PFKFB2: variants seen among roughly 807,000 people sequenced by gnomAD.
PFKFB2 encodes 6-phosphofructo-2-kinase/fructose-2,6-bisphosphatase 2.
A neutral mutation model predicts 68.0 loss-of-function variants in PFKFB2; 53 were observed. The observed-to-expected ratio is 0.78, with a 90% CI of 0.63 to 0.98. The LOEUF (loss-of-function observed/expected upper bound fraction) is 0.98. Among genes scored for constraint, PFKFB2 ranks in the 50% least tolerant of loss-of-function variants. The probability of loss-of-function intolerance (pLI) is 0.00; values close to 1 mark genes in which losing one functional copy is unlikely to be tolerated. For synonymous variants in PFKFB2, 222 were observed against 227.6 expected (o/e 0.98, Z 0.22); for missense variants, 451 against 642.0 (o/e 0.70, Z 3.22).
chr1:207,059,469 C>A (rs1683022633), intron 2 of PFKFB2, among the ~76,000 whole-genome samples: 1 of 152,158 alleles, frequency 6.6e-6, no homozygotes, highest in East Asian at 1.9e-4. Flanking sequence ...CAGAGGCTAT[C>A]TGCTTGTTAG....
chr1:207,066,808 C>G (rs1683300609), intron 8 of PFKFB2, among the ~76,000 whole-genome samples: 2 of 152,086 alleles, frequency 1.3e-5, no homozygotes, highest in Non-Finnish European at 2.9e-5. Flanking sequence ...CACCCGCCAC[C>G]ACGCCCGGCT....
intron 9 of PFKFB2, 71 bp from the exon 10 acceptor site, chr1:207,068,092 T>TG: frequency 1.3e-6 from 1 of 781,544 alleles, no homozygotes; most frequent in Non-Finnish European, 1.9e-6. Context: ...TATGTGTGTG[T>TG]TGAGTGTGTG....
At chr1:207,043,368 A>G (rs150195628) in intron 2 of PFKFB2, among the ~76,000 whole-genome samples, 5 of 152,328 alleles carry the variant, frequency 3.3e-5, no homozygotes, top group African/African-American at 1.2e-4. Flanking sequence ...AAAGCTTTCA[A>G]TGAGAAAGAA....
chr1:207,080,729 T>C (rs1198764785), downstream of PFKFB2: 2 of 152,140 alleles, frequency 1.3e-5, no homozygotes, highest in Non-Finnish European at 2.9e-5. Flanking sequence ...TGTTTGGGGT[T>C]TTTTTTGTAG....
chr1:207,078,359 C>T (rs146715119), downstream of PFKFB2, among the ~76,000 whole-genome samples: 23 of 152,278 alleles, frequency 1.5e-4, no homozygotes, highest in East Asian at 4.4e-3. Context: ...ATCCCAGGCC[C>T]CATCCCAGAC....
Position 207,074,223 on chromosome 1 carries a change from G to A in PFKFB2, c.*1852G>A. ...CTGGATAGTAGTTTCTCAGACAAAA[G>A]TGTCAGCCTAGGAATTCTGAATTCC... On this transcript the variant is annotated 3_prime_UTR_variant, in exon 15 of 15. Transcript: ENST00000367080. 1.0e-6 allele frequency: 1 copy of A among 985,382 alleles called. No individual in the cohort carries two copies. Among genetic ancestry groups the A allele is most frequent in the Non-Finnish European group, 1.2e-6 (1 of 829,886 alleles). 61.0% of individuals were successfully genotyped at this position (985,382 alleles called of 1,614,324 possible).
chr1:207,072,285 C>T lies in PFKFB2; in HGVS notation c.1432C>T (p.Arg478Cys), dbSNP rs755606905. 8 of 1,614,210 alleles carry T rather than the reference C, an allele frequency of 5.0e-6. No homozygotes were observed. The highest frequency in any genetic ancestry group is 1.6e-4 in the Middle Eastern group (1 of 6,062). Residue 478 changes from arginine to cysteine, a missense_variant, in exon 15 of 15, where the codon CGT (arginine) becomes TGT (cysteine). Arg to Cys is a radical substitution (Grantham distance 180). Coordinates refer to ENST00000367080, the MANE Select transcript of PFKFB2 (RefSeq NM_006212.2). Reference protein sequence around the residue: ...TPLSSSNTIRRPRNYSVGSRP... With the variant: ...TPLSSSNTIRCPRNYSVGSRP... ...TCTGTCCAGTTCGAATACAATAAGGCGTCCAAGAAATTACAGTGTTGGGAG... is the reference window on the plus strand; with the variant it reads ...TCTGTCCAGTTCGAATACAATAAGGTGTCCAAGAAATTACAGTGTTGGGAG...
chr1:207,067,450 T>C (rs767485435), intron 8 of PFKFB2, 49 bp from the exon 9 acceptor site: 5 of 1,318,182 alleles, frequency 3.8e-6, no homozygotes, highest in Non-Finnish European at 5.4e-6. Context: ...TGATTCTTAT[T>C]CTCAGATCTT....
In PFKFB2 at chr1:207,076,452, C is replaced by G. The variant is rs1683625623; in HGVS notation, c.*4081C>G. 1 of 984,988 alleles carries G rather than the reference C, an allele frequency of 1.0e-6. No homozygotes were observed. The highest frequency in any genetic ancestry group is 1.2e-6 in the Non-Finnish European group (1 of 829,796). The allele number at this position is 984,988 out of a possible 1,614,324, so 61.0% of individuals were successfully genotyped here. ...TTGTTAAGAAATTTGATAGATTTAC[C>G]CAGCTTTTCTATGTATTTTGACTTA... is the stretch of plus-strand genomic sequence containing the variant. On this transcript the variant is annotated 3_prime_UTR_variant, in exon 15 of 15. Transcript: ENST00000367080.
chr1:207,054,171 G>A lies in PFKFB2; in HGVS notation c.-17-530G>A, dbSNP rs115609680. Among the ~76,000 whole-genome samples, 328 of 152,072 alleles carry A rather than the reference G, an allele frequency of 2.2e-3. 1 individual carries two copies. The highest frequency in any genetic ancestry group is 0.01 in the Middle Eastern group (3 of 294). Reference sequence around the variant, plus strand: ...CCCGCCTCAGCCTCCCCAAGTGTTGGAATTCCAGGAGTGAGCCACCGTGCC... The same window carrying A: ...CCCGCCTCAGCCTCCCCAAGTGTTGAAATTCCAGGAGTGAGCCACCGTGCC... On this transcript the variant is annotated intron_variant, in intron 1 of 14. Coordinates refer to ENST00000367080, the MANE Select transcript of PFKFB2 (RefSeq NM_006212.2).
At chr1:207,045,477 T>C (rs1055584832) in intron 2 of PFKFB2, 2 of 152,370 alleles carry the variant, frequency 1.3e-5, no homozygotes, top group Admixed American at 6.6e-5. Flanking sequence ...ATTAGATCCC[T>C]AGAGGGCCAA....
At chr1:207,069,719 G>T (rs1239980288) in intron 11 of PFKFB2, among the ~76,000 whole-genome samples, 191 bp downstream of exon 11, 1 of 152,098 alleles carries the variant, frequency 6.6e-6, no homozygotes, top group African/African-American at 2.4e-5. Flanking sequence ...CAGGGATAAG[G>T]GTGACAAGGC....
In PFKFB2 at chr1:207,062,704, T is replaced by C; in HGVS notation, c.296T>C (p.Met99Thr). ...DFFRHDNEEA[M>T]KIRKQCALVA... The stretch of plus-strand genomic sequence containing the variant: ...TTTCGGCATGACAATGAGGAGGCCA[T>C]GAAGATCCGCAAGTGAGTCTTGTTT... Residue 99 changes from methionine (M) to threonine (T), a missense_variant, in exon 4 of 15, where the codon ATG becomes ACG. Physicochemically the swap from Met to Thr is moderately conservative, Grantham distance 81. Transcript: ENST00000367080. 2 of 1,614,032 alleles carry C rather than the reference T, an allele frequency of 1.2e-6. No individual in the cohort carries two copies. The highest frequency in any genetic ancestry group is 1.7e-6 in the Non-Finnish European group (2 of 1,179,946).
intron 8 of PFKFB2, among the ~76,000 whole-genome samples, chr1:207,066,081 A>C (rs576246206): frequency 2.6e-5 from 4 of 152,292 alleles, no homozygotes; most frequent in South Asian, 2.1e-4. Context: ...ATCTCTCTCT[A>C]TATATAACAT....
At chr1:207,052,099 C>G, upstream of PFKFB2, 1 of 1,146,026 alleles carries the variant, frequency 8.7e-7, no homozygotes. Flanking sequence ...ACAGCAAGTC[C>G]CACTTGCCAA....
At chr1:207,064,971 T>C in intron 7 of PFKFB2, 65 bp from the exon 8 acceptor site, 1 of 1,538,848 alleles carries the variant, frequency 6.5e-7, no homozygotes. Flanking sequence ...TAGCAGTGGC[T>C]ATTTGTAGGA....
chr1:207,043,013 C>A (rs1171409329), intron 2 of PFKFB2, among the ~76,000 whole-genome samples: 1 of 151,968 alleles, frequency 6.6e-6, no homozygotes, highest in East Asian at 1.9e-4. Flanking sequence ...AGCCACGATT[C>A]CCAAACTTTT....
chr1:207,035,546 C>T (rs752079608), intron 1 of PFKFB2, among the ~76,000 whole-genome samples: 14 of 151,624 alleles, frequency 9.2e-5, no homozygotes, highest in Admixed American at 9.2e-4. Flanking sequence ...CCCAGGTGCT[C>T]GTGGGGTGAG....
At chr1:207,035,048 C>T in intron 1 of PFKFB2, 1 of 598,490 alleles carries the variant, frequency 1.7e-6, no homozygotes, top group Non-Finnish European at 2.1e-6. Flanking sequence ...AAGAATAAGA[C>T]TTCCTGGTTG....
Sources: allele counts gnomAD v4.1 joint callset (sites outside exome capture counted in the v4.1 genomes callset), GRCh38; gene constraint gnomAD v4.1.1; transcripts MANE v1.5; gene names NCBI Gene and HGNC (gene_info 2026-07-23, HGNC 2026-07-21).